Variants in CYP3A7 observed in about 807,000 individuals in gnomAD.
The protein encoded by CYP3A7 is cytochrome P450 3A7.
In CYP3A7, 45 loss-of-function variants were observed where a neutral mutation model predicts 55.2. The ratio of observed to expected loss-of-function variants is 0.82; its 90% confidence interval spans 0.64 to 1.05. The LOEUF (loss-of-function observed/expected upper bound fraction) is 1.05. Ranked by LOEUF, CYP3A7 falls within the 50% of genes least tolerant of loss-of-function variation. The probability of loss-of-function intolerance (pLI) is 0.00; values close to 1 mark genes in which losing one functional copy is unlikely to be tolerated. For synonymous variants in CYP3A7, 180 were observed against 207.4 expected (o/e 0.87, Z 1.13); for missense variants, 548 against 605.3 (o/e 0.91, Z 0.99).
At chr7:99,711,265 C>A (rs1813738750) in intron 9 of CYP3A7, among the ~76,000 whole-genome samples, 1 of 152,188 alleles carries the variant, frequency 6.6e-6, no homozygotes, top group African/African-American at 2.4e-5. Context: ...GGGTAGTCTT[C>A]TCTCCCAAGA....
intron 7 of CYP3A7, 133 bp downstream of exon 7, chr7:99,715,625 T>C (rs1813912806): frequency 6.8e-7 from 1 of 1,478,036 alleles, no homozygotes; most frequent in Admixed American, 1.7e-5. Flanking sequence ...GTGATGGTCG[T>C]ACATATCTTC....
At chr7:99,733,394 T>C (rs1484718242) in intron 1 of CYP3A7, among the ~76,000 whole-genome samples, 2 of 152,168 alleles carry the variant, frequency 1.3e-5, no homozygotes, top group Non-Finnish European at 2.9e-5. Context: ...AGCTCCCCTC[T>C]GTTTGGTAGA....
intron 2 of CYP3A7, among the ~76,000 whole-genome samples, chr7:99,728,656 A>G (rs1814506399): frequency 6.6e-6 from 1 of 152,140 alleles, no homozygotes; most frequent in South Asian, 2.1e-4. Context: ...CTTATTCCCA[A>G]ATTGAAAAAA....
At chr7:99,716,513 C>G (rs923413409) in intron 6 of CYP3A7, among the ~76,000 whole-genome samples, 2 of 152,018 alleles carry the variant, frequency 1.3e-5, no homozygotes, top group African/African-American at 4.8e-5. Flanking sequence ...CAAATGATGT[C>G]CTGGTTAAAA....
chr7:99,706,601 C>G (rs185260740), intron 12 of CYP3A7, among the ~76,000 whole-genome samples: 57 of 152,296 alleles, frequency 3.7e-4, no homozygotes, highest in African/African-American at 1.2e-3. Flanking sequence ...TGTTCTTTAA[C>G]TTCTTCAGAG....
chr7:99,714,418 T>G (rs529911934), intron 8 of CYP3A7, 137 bp downstream of exon 8: 2 of 1,374,348 alleles, frequency 1.5e-6, no homozygotes, highest in South Asian at 2.8e-5. Context: ...CCAAATGAAT[T>G]ATCTTGCTCT....
intron 2 of CYP3A7, among the ~76,000 whole-genome samples, chr7:99,725,842 T>C (rs934740821): frequency 6.6e-6 from 1 of 152,150 alleles, no homozygotes; most frequent in South Asian, 2.1e-4. Context: ...GTGTAATCGA[T>C]AGGGGGGATA....
In CYP3A7 at chr7:99,705,266, A is replaced by G. The variant is rs139849737; in HGVS notation, c.*234T>C. 4.2e-5 allele frequency: 19 copies of G among 452,426 alleles called. No homozygotes were observed. The highest frequency in any genetic ancestry group is 3.4e-4 in the African/African-American group (17 of 50,554). 28.0% of individuals were successfully genotyped at this position (452,426 alleles called of 1,614,324 possible). On this transcript the variant is annotated 3_prime_UTR_variant, in exon 13 of 13. Coordinates refer to ENST00000336374, the MANE Select transcript of CYP3A7 (RefSeq NM_000765.5). ...GGAGATAGTCCTATGAGAAGCAGAG[A>G]AGCCAAATCTACTTCCCCAGCACTG...
At chr7:99,713,808 T>C (rs141626739) in intron 8 of CYP3A7, among the ~76,000 whole-genome samples, 1 of 152,224 alleles carries the variant, frequency 6.6e-6, no homozygotes, top group East Asian at 1.9e-4. Context: ...GTCCTGGGCC[T>C]TTTATTCTTC....
At chr7:99,715,705 A>T in intron 7 of CYP3A7, 53 bp downstream of exon 7, 1 of 1,612,614 alleles carries the variant, frequency 6.2e-7, no homozygotes, top group South Asian at 1.1e-5. Context: ...CATCTCAATA[A>T]AGCAGTTATT....
At chr7:99,731,894 A>G (rs1435531846) in intron 1 of CYP3A7, among the ~76,000 whole-genome samples, 4 of 151,874 alleles carry the variant, frequency 2.6e-5, no homozygotes, top group African/African-American at 9.7e-5. Flanking sequence ...AGGATGATTG[A>G]CTCATATTTT....
chr7:99,710,873 G>A lies in CYP3A7; in HGVS notation c.885C>T (p.Leu295=). The part of the protein sequence containing the change: ...ETHKALSDLE[L]MAQSIIFIFA... ...AAATAAAGATAATTGATTGGGCCAT[G>A]AGCTCCAGATCAGACAGAGCTGAAA... The change falls in exon 10 of 13, where the codon CTC becomes CTT. Residue 295 remains leucine, a synonymous_variant. Transcript: ENST00000336374. 2 of 1,613,750 alleles carry A rather than the reference G, an allele frequency of 1.2e-6. No homozygotes were observed. The highest frequency in any genetic ancestry group is 1.7e-6 in the Non-Finnish European group (2 of 1,179,778).
rs916774586 is a variant in CYP3A7 at position 99,710,782 on chromosome 7, C to G, written c.976G>C (p.Asp326His). 3 of 1,613,792 alleles carry G rather than the reference C, an allele frequency of 1.9e-6. No homozygotes were observed. Among genetic ancestry groups the G allele is most frequent in the Admixed American group, 1.7e-5 (1 of 59,950 alleles). ...TCCTTCTGCACTTTCTGCTGGACAT[C>G]AGGGTGAGTGGCCAGTTCATATATA... ...FIIYELATHPDVQQKVQKEID... is the reference protein window; with the variant it reads ...FIIYELATHPHVQQKVQKEID... The change falls in exon 10 of 13, where the codon GAT becomes CAT. Residue 326 changes from aspartate (D) to histidine (H), a missense_variant. Transcript: ENST00000336374.
In CYP3A7 at chr7:99,707,891, C is replaced by T; in HGVS notation, c.1337G>A (p.Arg446Lys). 1.2e-6 allele frequency: 2 copies of T among 1,613,986 alleles called. No homozygotes were observed. Among genetic ancestry groups the T allele is most frequent in the Non-Finnish European group, 1.7e-6 (2 of 1,179,920 alleles). Reference protein sequence around the residue: ...GSGPRNCIGMRFALVNMKLAL... With the variant: ...GSGPRNCIGMKFALVNMKLAL... Reference sequence around the variant, plus strand: ...AAGTTTCATGTTCACGAGAGCAAACCTCATGCCAATGCAGTTTCTGGGTCC... The same window carrying T: ...AAGTTTCATGTTCACGAGAGCAAACTTCATGCCAATGCAGTTTCTGGGTCC... Residue 446 changes from arginine (R) to lysine (K), a missense_variant, in exon 12 of 13, where the codon AGG (arginine) becomes AAG (lysine). Coordinates refer to ENST00000336374, the MANE Select transcript of CYP3A7 (RefSeq NM_000765.5).
At chr7:99,711,781 A>AAAC (rs10692661) in intron 9 of CYP3A7, among the ~76,000 whole-genome samples, 107,113 of 151,248 alleles carry the variant, frequency 0.71, 43,600 homozygotes, top group Non-Finnish European at 0.91. Context: ...AAACAAAACA[A>AAAC]AACAACAACA....
In CYP3A7 at chr7:99,713,534, T is replaced by A; in HGVS notation, c.800A>T (p.His267Leu). The part of the protein sequence containing the change: ...KEGRLKETQK[H>L]RVDFLQLMID... ...CATCAGCTGAAGGAAATCCACTCGG[T>A]GCTAGAAGCAAAAAGAGAAATTTTA... The change falls in exon 9 of 13, where the codon CAC (histidine) becomes CTC (leucine). Residue 267 changes from histidine to leucine, a missense_variant and splice_region_variant. Transcript: ENST00000336374. 6.2e-7 allele frequency: 1 copy of A among 1,613,376 alleles called. No individual in the cohort carries two copies. The highest frequency in any genetic ancestry group is 8.5e-7 in the Non-Finnish European group (1 of 1,179,526).
chr7:99,715,691 T>G, intron 7 of CYP3A7, 67 bp downstream of exon 7: 2 of 1,610,538 alleles, frequency 1.2e-6, no homozygotes, highest in Non-Finnish European at 8.5e-7. Context: ...TACATGGTGA[T>G]TTACATCTCA....
rs1813645799 is a variant in CYP3A7, at chr7:99,709,093, A to AG, written c.1194dup (p.Tyr399LeufsTer6). 2 of 1,613,946 alleles carry AG rather than the reference A, an allele frequency of 1.2e-6. No individual in the cohort carries two copies. The highest frequency in any genetic ancestry group is 2.7e-5 in the African/African-American group (2 of 75,004). ...TACTTTGGGTCATGATGAAGAACAT[A>AG]GCTTGGAATCATCACCACCACCCCT... On this transcript the variant is annotated frameshift_variant, in exon 11 of 13. Transcript: ENST00000336374. LOFTEE classifies it high-confidence loss of function.
At chr7:99,722,166 C>T (rs1584517753) in intron 3 of CYP3A7, 130 bp downstream of exon 3, 16 of 1,132,564 alleles carry the variant, frequency 1.4e-5, no homozygotes, top group South Asian at 6.8e-5. Flanking sequence ...TTTCAGAAAA[C>T]CTCTCTGTTT....
Sources: allele counts gnomAD v4.1 joint callset (sites outside exome capture counted in the v4.1 genomes callset), GRCh38; gene constraint gnomAD v4.1.1; transcripts MANE v1.5; gene names NCBI Gene and HGNC (gene_info 2026-07-23, HGNC 2026-07-21).